Variants in SGCZ observed in about 807,000 individuals in gnomAD.
SGCZ encodes the protein sarcoglycan zeta, also known as zeta-sarcoglycan.
SGCZ carries 40 observed loss-of-function variants against 41.3 expected under a neutral mutation model. That is an observed-to-expected ratio of 0.97 (90% CI 0.75 to 1.26). The LOEUF is 1.26. Among genes scored for constraint, SGCZ ranks in the 50% most tolerant of loss-of-function variants. The probability of loss-of-function intolerance (pLI) is 0.00; values close to 1 mark genes in which losing one functional copy is unlikely to be tolerated. For missense variants in SGCZ, 552 were observed against 369.8 expected, an observed-to-expected ratio of 1.49 and a Z score of -4.04; for synonymous variants, 206 against 137.5, an observed-to-expected ratio of 1.50 and a Z score of -3.49.
intron 1 of SGCZ, among the ~76,000 whole-genome samples, chr8:15,111,885 C>A (rs1316432503): frequency 6.9e-6 from 1 of 144,124 alleles, no homozygotes; most frequent in Non-Finnish European, 1.5e-5. Context: ...GGCAACAGAG[C>A]GAGACTCCGT....
chr8:14,287,184 G>C (rs1306471078), intron 3 of SGCZ, among the ~76,000 whole-genome samples: 1 of 150,684 alleles, frequency 6.6e-6, no homozygotes. Context: ...ATCATTTCCT[G>C]TTTACCAGTT....
At chr8:14,585,499 T>C (rs1193467263) in intron 1 of SGCZ, among the ~76,000 whole-genome samples, 1 of 152,144 alleles carries the variant, frequency 6.6e-6, no homozygotes, top group African/African-American at 2.4e-5. Context: ...ATATGGTATT[T>C]CTCCAAAGGT....
At chr8:14,790,929 G>A (rs1800929895) in intron 1 of SGCZ, among the ~76,000 whole-genome samples, 1 of 151,492 alleles carries the variant, frequency 6.6e-6, no homozygotes, top group South Asian at 2.1e-4. Flanking sequence ...CACTCGAGTG[G>A]TTAAGGCAGG....
Position 14,690,026 on chromosome 8 carries a change from C to G in SGCZ, c.40-135100G>C, listed in dbSNP as rs374663265. On this transcript the variant is annotated intron_variant, in intron 1 of 7. Coordinates refer to ENST00000382080, the MANE Select transcript of SGCZ (RefSeq NM_139167.4). ...TTAAGCAATGGTGAATTCTTACTTT[C>G]AAAGGAAGATTTTAGAATACAAAAG... is the stretch of plus-strand genomic sequence containing the variant. Among the ~76,000 whole-genome samples, 13 of 151,200 alleles carry G rather than the reference C, an allele frequency of 8.6e-5. No homozygotes were observed. In the South Asian group the frequency reaches 2.3e-3, roughly 27 times the overall value.
At chr8:14,718,047 T>C (rs577616916) in intron 1 of SGCZ, among the ~76,000 whole-genome samples, 231 of 149,760 alleles carry the variant, frequency 1.5e-3, no homozygotes, top group African/African-American at 5.4e-3. Flanking sequence ...CTGACTCAAA[T>C]AGTTTTCCTA....
At chr8:15,236,642 T>C (rs900285480) in intron 1 of SGCZ, among the ~76,000 whole-genome samples, 22 of 151,988 alleles carry the variant, frequency 1.4e-4, no homozygotes, top group African/African-American at 5.1e-4. Flanking sequence ...GTTGGTTTTT[T>C]AAAGTTTTTA....
intron 2 of SGCZ, among the ~76,000 whole-genome samples, chr8:14,408,245 G>C (rs189853169): frequency 3.5e-4 from 54 of 152,256 alleles, no homozygotes; most frequent in Non-Finnish European, 6.3e-4. Context: ...TGTATTTGCA[G>C]TTTTGGTCTT....
At position 14,667,444 on chromosome 8, in the gene SGCZ, A is replaced by T. The variant is rs545475356; in HGVS notation, c.40-112518T>A. ...ACAGCAATCATCGAACCCTGGACTC[A>T]TGTTGTCATAAAAGCTTGTCGTACC... On this transcript the variant is annotated intron_variant, in intron 1 of 7. Transcript: ENST00000382080. 4.6e-5 allele frequency among the ~76,000 whole-genome samples: 7 copies of T among 152,268 alleles called. No homozygotes were observed. The South Asian group carries it at 1.5e-3, about 32-fold the overall frequency.
At chr8:15,026,276 A>G (rs1221267662) in intron 1 of SGCZ, among the ~76,000 whole-genome samples, 1 of 152,196 alleles carries the variant, frequency 6.6e-6, no homozygotes, top group Non-Finnish European at 1.5e-5. Context: ...CCTGAAAGAA[A>G]TACCTAGGAT....
In SGCZ at chr8:14,982,947, G is replaced by C. The variant is rs551102554; in HGVS notation, c.39+254638C>G. Among the ~76,000 whole-genome samples, 323 of 152,264 alleles carry C rather than the reference G, an allele frequency of 2.1e-3. 1 individual carries two copies. Among genetic ancestry groups the C allele is most frequent in the African/African-American group, 7.3e-3 (302 of 41,538 alleles). ...TTAAAAAGCAAATTCCGGAGACAGA[G>C]GAAGTAGTTGGAATCCCAATTTAGC... On this transcript the variant is annotated intron_variant, in intron 1 of 7. Coordinates refer to ENST00000382080, the MANE Select transcript of SGCZ (RefSeq NM_139167.4).
chr8:15,157,102 T>C (rs982656182), intron 1 of SGCZ, among the ~76,000 whole-genome samples: 8 of 152,144 alleles, frequency 5.3e-5, no homozygotes, highest in African/African-American at 1.9e-4. Flanking sequence ...TGTACCCAAA[T>C]GATGCCTAAA....
At position 14,832,166 on chromosome 8, in the gene SGCZ, C is replaced by A. The variant is rs187847252; in HGVS notation, c.40-277240G>T. Reference sequence around the variant, plus strand: ...TTTCCCTTTTTAAGGCATTTGCAGACATCGTGACATTAATTCTTTTATTTA... The same window carrying A: ...TTTCCCTTTTTAAGGCATTTGCAGAAATCGTGACATTAATTCTTTTATTTA... On this transcript the variant is annotated intron_variant, in intron 1 of 7. Transcript: ENST00000382080. Among the ~76,000 whole-genome samples the A allele has an allele frequency of 3.3e-5, 5 of 152,214 alleles. No homozygotes were observed. The East Asian group carries it at 9.7e-4, about 29-fold the overall frequency.
At chr8:14,819,349 G>A (rs4831652) in intron 1 of SGCZ, among the ~76,000 whole-genome samples, 19,378 of 151,968 alleles carry the variant, frequency 0.13, 1,673 homozygotes, top group East Asian at 0.25. Flanking sequence ...CAGTTTTCCT[G>A]GAAATAGTAC....
intron 2 of SGCZ, among the ~76,000 whole-genome samples, chr8:14,501,229 A>G (rs190319607): frequency 1.5e-3 from 226 of 151,832 alleles, no homozygotes; most frequent in African/African-American, 5.1e-3. Context: ...TCTTCTACCT[A>G]TTAACATCCT....
chr8:15,027,401 A>C (rs1585487683), intron 1 of SGCZ, among the ~76,000 whole-genome samples: 1 of 20 alleles, frequency 0.05, no homozygotes, highest in South Asian at 0.5. Flanking sequence ...TGGCTCAAAT[A>C]AAAAAAGAAA....
intron 1 of SGCZ, among the ~76,000 whole-genome samples, chr8:15,193,406 C>T (rs571298453): frequency 6.6e-6 from 1 of 152,074 alleles, no homozygotes; most frequent in African/African-American, 2.4e-5. Context: ...ATTTTAATAT[C>T]CTTTGAGTAT....
intron 3 of SGCZ, among the ~76,000 whole-genome samples, chr8:14,281,382 A>C (rs931925416): frequency 1.3e-5 from 2 of 151,982 alleles, no homozygotes; most frequent in Non-Finnish European, 2.9e-5. Flanking sequence ...TCCGTTCTCC[A>C]CTACTATCCT....
chr8:14,457,548 C>T (rs1468203208), intron 2 of SGCZ, among the ~76,000 whole-genome samples: 3 of 152,228 alleles, frequency 2.0e-5, no homozygotes, highest in African/African-American at 7.2e-5. Context: ...AACCGTCTCC[C>T]TGTGATGCTG....
intron 1 of SGCZ, among the ~76,000 whole-genome samples, chr8:14,860,261 C>CT (rs1251011051): frequency 6.6e-6 from 1 of 151,834 alleles, no homozygotes; most frequent in East Asian, 1.9e-4. Context: ...CAGATACTGC[C>CT]TGGATTTCTA....
Sources: gnomAD v4.1 joint callset for allele counts (sites outside exome capture counted in the v4.1 genomes callset) on GRCh38, gnomAD v4.1.1 for gene constraint, MANE v1.5 for transcripts, NCBI Gene and HGNC (gene_info 2026-07-23, HGNC 2026-07-21) for gene names.